The following CRADD variants were observed in gnomAD, a reference collection of about 807,000 sequenced individuals.
CRADD encodes the protein death domain-containing protein CRADD.
CRADD carries 9 observed loss-of-function variants against 15.5 expected under a neutral mutation model. The observed-to-expected ratio is 0.58, with a 90% CI of 0.35 to 1.01. CRADD has a LOEUF of 1.01. CRADD is among the 50% of genes least tolerant of loss of function. The probability of loss-of-function intolerance (pLI) is 0.02; values close to 1 mark genes in which losing one functional copy is unlikely to be tolerated. For missense variants in CRADD, 227 were observed against 250.3 expected (o/e 0.91, Z 0.63); for synonymous variants, 118 against 107.6 (o/e 1.10, Z -0.60).
chr12:93,844,446 G>C (rs1156567635), intron 2 of CRADD, among the ~76,000 whole-genome samples: 1 of 152,062 alleles, frequency 6.6e-6, no homozygotes, highest in African/African-American at 2.4e-5. Flanking sequence ...CATTTGGAAA[G>C]GCTTGATCTG....
chr12:93,826,068 A>G (rs1431133444), intron 2 of CRADD, among the ~76,000 whole-genome samples: 2 of 152,242 alleles, frequency 1.3e-5, no homozygotes, highest in Non-Finnish European at 2.9e-5. Context: ...ACTTATTAAC[A>G]TGCTTGACAC....
chr12:93,797,988 A>G (rs1957438418), intron 2 of CRADD, among the ~76,000 whole-genome samples: 1 of 152,142 alleles, frequency 6.6e-6, no homozygotes, highest in Non-Finnish European at 1.5e-5. Context: ...TGGGTGATTT[A>G]TTAAGAGAAC....
intron 2 of CRADD, among the ~76,000 whole-genome samples, chr12:93,785,580 T>A (rs1957268866): frequency 6.6e-6 from 1 of 152,316 alleles, no homozygotes; most frequent in South Asian, 2.1e-4. Flanking sequence ...GGAGAGGATA[T>A]GTGGAAGCTG....
chr12:93,863,986 T>C (rs1283366403), intron 2 of CRADD, among the ~76,000 whole-genome samples: 3 of 152,192 alleles, frequency 2.0e-5, no homozygotes, highest in Non-Finnish European at 4.4e-5. Context: ...ATACAAACTA[T>C]TCTTAATTAA....
At chr12:93,863,885 T>A (rs1434176862) in intron 2 of CRADD, among the ~76,000 whole-genome samples, 2 of 152,186 alleles carry the variant, frequency 1.3e-5, no homozygotes, top group Non-Finnish European at 2.9e-5. Context: ...AAATTTTTTT[T>A]ATTTATTCCA....
chr12:93,755,446 A>T (rs1956879049), intron 2 of CRADD, among the ~76,000 whole-genome samples: 1 of 152,210 alleles, frequency 6.6e-6, no homozygotes, highest in Non-Finnish European at 1.5e-5. Context: ...TGACAGTGGA[A>T]CTAACTACCC....
chr12:93,729,048 A>G (rs566743707), intron 2 of CRADD, among the ~76,000 whole-genome samples: 1 of 152,318 alleles, frequency 6.6e-6, no homozygotes, highest in East Asian at 1.9e-4. Flanking sequence ...AATTCATGTA[A>G]ATTTCCACAG....
intron 2 of CRADD, among the ~76,000 whole-genome samples, chr12:93,871,131 C>T (rs1166332370): frequency 6.6e-6 from 1 of 152,044 alleles, no homozygotes; most frequent in Non-Finnish European, 1.5e-5. Flanking sequence ...ATAGTGGGCC[C>T]AGAATTATTG....
intron 2 of CRADD, among the ~76,000 whole-genome samples, chr12:93,886,759 G>A (rs1355161010): frequency 6.6e-6 from 1 of 152,194 alleles, no homozygotes; most frequent in Non-Finnish European, 1.5e-5. Flanking sequence ...GCATGGGTGA[G>A]TGTGGCCATC....
chr12:93,712,841 A>C (rs530085317), intron 2 of CRADD, among the ~76,000 whole-genome samples: 25 of 152,246 alleles, frequency 1.6e-4, no homozygotes, highest in African/African-American at 5.1e-4. Flanking sequence ...AGTGTTGTTT[A>C]GTGGGAAAGT....
chr12:93,802,851 A>C (rs1399305186), intron 2 of CRADD, among the ~76,000 whole-genome samples: 1 of 152,122 alleles, frequency 6.6e-6, no homozygotes, highest in Non-Finnish European at 1.5e-5. Flanking sequence ...CCTCTGTGTA[A>C]AAGGTTTCTC....
At chr12:93,679,402 A>G (rs1955235136) in intron 2 of CRADD, among the ~76,000 whole-genome samples, 1 of 152,128 alleles carries the variant, frequency 6.6e-6, no homozygotes, top group African/African-American at 2.4e-5. Context: ...TCCGCCTCCC[A>G]AAGTGCTGGG....
At chr12:93,730,778 C>T (rs1956449930) in intron 2 of CRADD, among the ~76,000 whole-genome samples, 1 of 149,440 alleles carries the variant, frequency 6.7e-6, no homozygotes, top group East Asian at 2.0e-4. Context: ...TGCAGTGGCA[C>T]AATCTCGGCT....
chr12:93,876,404 C>G (rs77491706), intron 2 of CRADD, among the ~76,000 whole-genome samples: 196 of 152,282 alleles, frequency 1.3e-3, no homozygotes, highest in African/African-American at 4.5e-3. Context: ...TTTGAATACA[C>G]TTTCTACCCC....
chr12:93,753,582 T>C (rs1486089761), intron 2 of CRADD, among the ~76,000 whole-genome samples: 1 of 152,208 alleles, frequency 6.6e-6, no homozygotes, highest in African/African-American at 2.4e-5. Context: ...ATTCAGTAAA[T>C]ACACTCATCC....
chr12:93,884,285 C>T (rs1958521309), intron 2 of CRADD, among the ~76,000 whole-genome samples: 1 of 152,196 alleles, frequency 6.6e-6, no homozygotes, highest in African/African-American at 2.4e-5. Flanking sequence ...AAGGCCTAAG[C>T]AGAATCTCCT....
At chr12:93,796,600 CAAA>C (rs397813054) in intron 2 of CRADD, among the ~76,000 whole-genome samples, 7 of 113,818 alleles carry the variant, frequency 6.2e-5, no homozygotes, top group East Asian at 2.2e-4. Flanking sequence ...AAAACGGTGT[CAAA>C]AAAAAAAAAA....
chr12:93,777,755 G>A (rs771584071), intron 2 of CRADD, among the ~76,000 whole-genome samples: 19 of 152,252 alleles, frequency 1.2e-4, no homozygotes, highest in Admixed American at 4.6e-4. Flanking sequence ...CGGTATACTC[G>A]GAAAGTTAAA....
At chr12:93,855,620 A>C (rs1958266866), downstream of CRADD, among the ~76,000 whole-genome samples, 1 of 152,192 alleles carries the variant, frequency 6.6e-6, no homozygotes, top group Non-Finnish European at 1.5e-5. Flanking sequence ...ACTGTATCTA[A>C]GGCTCTGTCA....
Sources: gnomAD v4.1 joint callset for allele counts (sites outside exome capture counted in the v4.1 genomes callset) on GRCh38, gnomAD v4.1.1 for gene constraint, MANE v1.5 for transcripts, NCBI Gene and HGNC (gene_info 2026-07-23, HGNC 2026-07-21) for gene names.